The following EIPR1 variants were observed in gnomAD, a reference collection of about 807,000 sequenced individuals.
EIPR1 encodes EARP and GARP complex-interacting protein 1.
EIPR1 carries 25 observed loss-of-function variants against 48.1 expected under a neutral mutation model. That is an observed-to-expected ratio of 0.52 (90% confidence interval 0.38 to 0.73). The LOEUF (loss-of-function observed/expected upper bound fraction) is 0.73. Among genes scored for constraint, EIPR1 ranks in the 30% least tolerant of loss-of-function variants. The pLI is 0.00. For synonymous variants in EIPR1, 204 were observed against 201.9 expected (o/e 1.01, Z -0.09); for missense variants, 415 against 506.2 (o/e 0.82, Z 1.73).
chr2:3,250,217 GCCA>G (rs1430775675), intron 4 of EIPR1, among the ~76,000 whole-genome samples: 2 of 152,224 alleles, frequency 1.3e-5, no homozygotes, highest in Non-Finnish European at 1.5e-5. Context: ...CATGCAGGCA[GCCA>G]TGGGGACAGC....
At chr2:3,225,522 A>T (rs751871292) in intron 4 of EIPR1, among the ~76,000 whole-genome samples, 4 of 152,182 alleles carry the variant, frequency 2.6e-5, no homozygotes, top group Non-Finnish European at 4.4e-5. Context: ...CTTGAATTAG[A>T]GGCATGCGCC....
At chr2:3,357,402 A>G (rs911915984) in intron 1 of EIPR1, among the ~76,000 whole-genome samples, 4 of 152,218 alleles carry the variant, frequency 2.6e-5, no homozygotes, top group South Asian at 2.1e-4. Context: ...AGCAAACTAA[A>G]TATGGCCTGA....
intron 3 of EIPR1, chr2:3,261,636 G>C (rs1294112475): frequency 6.6e-6 from 1 of 152,256 alleles, no homozygotes; most frequent in Non-Finnish European, 1.5e-5. Flanking sequence ...CAGCAACCCA[G>C]TGTCCCACTG....
intron 3 of EIPR1, among the ~76,000 whole-genome samples, chr2:3,297,190 G>A (rs371052143): frequency 6.6e-6 from 1 of 152,230 alleles, no homozygotes; most frequent in African/African-American, 2.4e-5. Flanking sequence ...AAAGAAAGAG[G>A]CGTGTGGGAC....
intron 4 of EIPR1, among the ~76,000 whole-genome samples, chr2:3,248,623 G>A (rs548063705): frequency 4.5e-4 from 68 of 151,470 alleles, no homozygotes; most frequent in South Asian, 1.5e-3. Flanking sequence ...AAAACTAGCC[G>A]GGCGTGATGG....
intron 1 of EIPR1, 155 bp downstream of exon 1, chr2:3,377,493 A>G: frequency 1.0e-6 from 1 of 971,726 alleles, no homozygotes; most frequent in Non-Finnish European, 1.5e-6. Flanking sequence ...TAACCTCCTA[A>G]AGCCTCAGTT....
Position 3,217,346 on chromosome 2 carries a change from C to T in EIPR1, c.417-3098G>A, listed in dbSNP as rs1030841862. Among the ~76,000 whole-genome samples the T allele has an allele frequency of 3.9e-5, 6 of 152,120 alleles. No homozygotes were observed. In the East Asian group the frequency reaches 5.8e-4, roughly 15 times the overall value. ...CCGCCAAGAATCACTGGGGTTTACC[C>T]GCAGTAAGCTCTAGCTAAAAAGTAG... On this transcript the variant is annotated intron_variant, in intron 4 of 8. Coordinates refer to ENST00000382125, the MANE Select transcript of EIPR1 (RefSeq NM_003310.5).
intron 3 of EIPR1, among the ~76,000 whole-genome samples, chr2:3,327,641 A>T (rs1669738947): frequency 6.7e-6 from 1 of 148,974 alleles, no homozygotes; most frequent in Non-Finnish European, 1.5e-5. Context: ...GCTACAATCC[A>T]CTCATTTAGT....
At chr2:3,318,354 T>G (rs2103320306) in intron 3 of EIPR1, among the ~76,000 whole-genome samples, 1 of 152,312 alleles carries the variant, frequency 6.6e-6, no homozygotes, top group Middle Eastern at 3.4e-3. Context: ...CAGGACGCCG[T>G]GAGGAGCCGT....
chr2:3,214,368 A>G (rs1214323275), intron 4 of EIPR1, 120 bp from the exon 5 acceptor site: 5 of 887,974 alleles, frequency 5.6e-6, no homozygotes, highest in South Asian at 1.6e-5. Flanking sequence ...TGTAGTCACT[A>G]GAGTATTTTT....
intron 4 of EIPR1, among the ~76,000 whole-genome samples, chr2:3,230,057 G>C (rs1666193166): frequency 6.6e-6 from 1 of 151,948 alleles, no homozygotes; most frequent in South Asian, 2.1e-4. Flanking sequence ...TTTTCCATTT[G>C]TTTGCATCTT....
intron 1 of EIPR1, among the ~76,000 whole-genome samples, chr2:3,371,121 T>G (rs1390391033): frequency 3.3e-5 from 5 of 152,198 alleles, no homozygotes; most frequent in Admixed American, 2.6e-4. Context: ...ACCCAGAATT[T>G]CATATCCAGC....
At chr2:3,342,703 G>A (rs1360819943) in intron 2 of EIPR1, among the ~76,000 whole-genome samples, 1 of 152,228 alleles carries the variant, frequency 6.6e-6, no homozygotes, top group African/African-American at 2.4e-5. Flanking sequence ...ACCTCTTCCA[G>A]CCAGCGAGCA....
At position 3,286,816 on chromosome 2, in the gene EIPR1, A is replaced by T. The variant is rs1668199443; in HGVS notation, c.260-29361T>A. On this transcript the variant is annotated intron_variant, in intron 3 of 8. Transcript: ENST00000382125. This position sits in a 1 kb window ranked among gnomAD's most constrained non-coding sequence, Gnocchi z 4.2. The stretch of plus-strand genomic sequence containing the variant: ...AACCAAGGCTTGGAGAGTTGAAGCC[A>T]CCGTCCAAGAACACACCAGAGTGCC... Among the ~76,000 whole-genome samples the T allele has an allele frequency of 6.6e-6, 1 of 152,202 alleles. No individual in the cohort carries two copies. The highest frequency in any genetic ancestry group is 2.4e-5 in the African/African-American group (1 of 41,464).
intron 4 of EIPR1, among the ~76,000 whole-genome samples, chr2:3,244,879 A>G (rs1666748058): frequency 6.6e-6 from 1 of 152,218 alleles, no homozygotes; most frequent in Non-Finnish European, 1.5e-5. Flanking sequence ...TTTGCTTCAT[A>G]AAAGGATCAA....
intron 2 of EIPR1, among the ~76,000 whole-genome samples, chr2:3,341,120 A>C (rs60542206): frequency 8.8e-6 from 1 of 113,086 alleles, no homozygotes; most frequent in Non-Finnish European, 1.8e-5. Context: ...AAAAAAAAAA[A>C]CAAAACAAAA....
chr2:3,350,858 A>C (rs1479226320), intron 2 of EIPR1, among the ~76,000 whole-genome samples: 1 of 151,808 alleles, frequency 6.6e-6, no homozygotes, highest in East Asian at 1.9e-4. Flanking sequence ...TAATCTGAGT[A>C]ATTATCAGAA....
chr2:3,309,961 C>T (rs1473083161), intron 3 of EIPR1, among the ~76,000 whole-genome samples: 3 of 152,052 alleles, frequency 2.0e-5, no homozygotes, highest in Non-Finnish European at 4.4e-5. Flanking sequence ...TGGCAGTGCC[C>T]GTGTACGCAC....
intron 1 of EIPR1, among the ~76,000 whole-genome samples, chr2:3,358,395 A>G (rs1295571165): frequency 6.6e-6 from 1 of 152,236 alleles, no homozygotes; most frequent in Non-Finnish European, 1.5e-5. Flanking sequence ...AAATAGCAGC[A>G]CAAAACTTCA....
Sources: allele counts gnomAD v4.1 joint callset (sites outside exome capture counted in the v4.1 genomes callset), GRCh38; gene constraint gnomAD v4.1.1; non-coding constraint Gnocchi (gnomAD v3.1); transcripts MANE v1.5; gene names NCBI Gene and HGNC (gene_info 2026-07-23, HGNC 2026-07-21).